Variants in RPL37 observed in about 807,000 individuals in gnomAD.
RPL37 encodes large ribosomal subunit protein eL37.
Under a neutral mutation model 14.8 loss-of-function variants are expected in RPL37, and 1 was observed. The observed-to-expected ratio is 0.07, with a 90% CI of 0.02 to 0.32. The LOEUF is 0.32. RPL37 is among the 10% of genes least tolerant of loss of function. RPL37 has a pLI of 1.00. For missense variants in RPL37, 100 were observed against 128.3 expected (o/e 0.78, Z 1.06); for synonymous variants, 53 against 45.8 (o/e 1.16, Z -0.63).
chr5:40,832,650 T>C (rs2112156425), intron 3 of RPL37, 77 bp from the exon 4 acceptor site: 1 of 1,045,158 alleles, frequency 9.6e-7, no homozygotes, highest in African/African-American at 1.6e-5. Flanking sequence ...TAAACAGATT[T>C]CAATGCGCTT....
chr5:40,835,001 G>C (rs1745734262), intron 1 of RPL37, 182 bp downstream of exon 1: 1 of 771,670 alleles, frequency 1.3e-6, no homozygotes. Context: ...ATTACGGCGG[G>C]ATAGGTCCCC....
rs1440301733 is a variant in RPL37 at position 40,829,119 on chromosome 5, A to T, written c.*3385T>A. ...TCTCATTTTCATGCTTAAATTATAC[A>T]GAAATGGGAAGCTTGGAAGTTAGCT... On this transcript the variant is annotated 3_prime_UTR_variant, in exon 4 of 4. Coordinates refer to ENST00000274242, the MANE Select transcript of RPL37 (RefSeq NM_000997.5). 1 of 152,210 alleles carries T rather than the reference A, an allele frequency of 6.6e-6. No homozygotes were observed. Among genetic ancestry groups the T allele is most frequent in the Non-Finnish European group, 1.5e-5 (1 of 68,038 alleles). The allele number at this position is 152,210 out of a possible 1,614,324, so 9.4% of individuals were successfully genotyped here.
At chr5:40,835,143 G>C (rs1222621361) in intron 1 of RPL37, 40 bp downstream of exon 1, 1 of 1,613,852 alleles carries the variant, frequency 6.2e-7, no homozygotes, top group Admixed American at 1.7e-5. Flanking sequence ...CAAAGGACGA[G>C]GATGGAACGC....
At chr5:40,833,079 A>G (rs929399877) in intron 3 of RPL37, among the ~76,000 whole-genome samples, 2 of 152,214 alleles carry the variant, frequency 1.3e-5, no homozygotes, top group Non-Finnish European at 2.9e-5. Context: ...CTTCAGTTCA[A>G]GCTCTTAACT....
chr5:40,834,338 G>C (rs1316134230), intron 2 of RPL37, 73 bp from the exon 3 acceptor site: 5 of 1,566,480 alleles, frequency 3.2e-6, no homozygotes, highest in African/African-American at 2.7e-5. Context: ...TAACACACGA[G>C]TTTTATGCCA....
rs1745531138 is a variant in RPL37, at chr5:40,826,962, G to A, written c.*5542C>T. On this transcript the variant is annotated 3_prime_UTR_variant, in exon 4 of 4. Transcript: ENST00000274242. ...CTGGCTAATTTTTTGTATTTTTAAT[G>A]GAGAAGAGGTTTCACCAGGTTGCCC... 1 of 152,150 alleles carries A rather than the reference G, an allele frequency of 6.6e-6. No homozygotes were observed. Among genetic ancestry groups the A allele is most frequent in the Non-Finnish European group, 1.5e-5 (1 of 68,076 alleles). 9.4% of individuals were successfully genotyped at this position (152,150 alleles called of 1,614,324 possible).
intron 2 of RPL37, 31 bp downstream of exon 2, chr5:40,834,440 T>A: frequency 6.2e-7 from 1 of 1,606,092 alleles, no homozygotes; most frequent in East Asian, 2.2e-5. Flanking sequence ...AAACAAAAGC[T>A]AACACAGTTG....
rs1399274717 is a variant in RPL37 at position 40,829,734 on chromosome 5, G to T, written c.*2770C>A. The T allele has an allele frequency of 1.3e-5, 2 of 151,492 alleles. No individual in the cohort carries two copies. Among genetic ancestry groups the T allele is most frequent in the African/African-American group, 4.9e-5 (2 of 41,162 alleles). 9.4% of individuals were successfully genotyped at this position (151,492 alleles called of 1,614,324 possible). On this transcript the variant is annotated 3_prime_UTR_variant, in exon 4 of 4. Coordinates refer to ENST00000274242, the MANE Select transcript of RPL37 (RefSeq NM_000997.5). ...TAATTGTGTCTCAATTAGAGGTGAG[G>T]CCTCTGCAGCTCACCGCAACCTCCG...
Position 40,827,433 on chromosome 5 carries a change from C to A in RPL37, c.*5071G>T, listed in dbSNP as rs369305444. 2 of 152,170 alleles carry A rather than the reference C, an allele frequency of 1.3e-5. No individual in the cohort carries two copies. The highest frequency in any genetic ancestry group is 2.9e-5 in the Non-Finnish European group (2 of 68,036). The allele number at this position is 152,170 out of a possible 1,614,324, so 9.4% of individuals were successfully genotyped here. A position where few individuals can be genotyped will look rare whatever the true frequency, so the allele number is the denominator to read the frequency against. ...CTTCTGACGATTACATAGGACTGCA[C>A]GTTTTACCTATTGAAATAAAACTGT... On this transcript the variant is annotated 3_prime_UTR_variant, in exon 4 of 4. Transcript: ENST00000274242.
Position 40,828,367 on chromosome 5 carries a change from G to A in RPL37, c.*4137C>T, listed in dbSNP as rs1169008275. 1 of 152,092 alleles carries A rather than the reference G, an allele frequency of 6.6e-6. No individual in the cohort carries two copies. Among genetic ancestry groups the A allele is most frequent in the East Asian group, 1.9e-4 (1 of 5,198 alleles). 9.4% of individuals were successfully genotyped at this position (152,092 alleles called of 1,614,324 possible). A position where few individuals can be genotyped will look rare whatever the true frequency, so the allele number is the denominator to read the frequency against. On this transcript the variant is annotated 3_prime_UTR_variant, in exon 4 of 4. Transcript: ENST00000274242. Reference sequence around the variant, plus strand: ...ACATGATTGAAATCTGTCAGGGCAGGGTCTTTGTTTTGTTTTCCACTTAAA... The same window carrying A: ...ACATGATTGAAATCTGTCAGGGCAGAGTCTTTGTTTTGTTTTCCACTTAAA...
chr5:40,833,283 T>C (rs1745682229), intron 3 of RPL37, among the ~76,000 whole-genome samples: 1 of 152,128 alleles, frequency 6.6e-6, no homozygotes, highest in Non-Finnish European at 1.5e-5. Context: ...AATATTCAAT[T>C]TTGCACTGGA....
chr5:40,833,903 G>A, intron 3 of RPL37: 1 of 379,726 alleles, frequency 2.6e-6, no homozygotes, highest in Non-Finnish European at 4.8e-6. Context: ...AAATTAGCTG[G>A]GCATGTGGCA....
At chr5:40,833,376 C>T (rs944729044) in intron 3 of RPL37, among the ~76,000 whole-genome samples, 1 of 152,148 alleles carries the variant, frequency 6.6e-6, no homozygotes, top group African/African-American at 2.4e-5. Context: ...GGAAGGAGCA[C>T]CAGCTTTATA....
In RPL37 at chr5:40,834,284, A is replaced by G. The variant is rs765281262; in HGVS notation, c.140-19T>C. The G allele has an allele frequency of 1.2e-6, 2 of 1,610,310 alleles. No homozygotes were observed. ...CAGTTATCTAAAACATAAGTTCAGA[A>G]AAGATTTCAAACGGTGTTCTCCCAC... On this transcript the variant is annotated intron_variant, in intron 2 of 3. Coordinates refer to ENST00000274242, the MANE Select transcript of RPL37 (RefSeq NM_000997.5).
In RPL37 at chr5:40,834,221, C is replaced by T; in HGVS notation, c.184G>A (p.Gly62Ser). 1 of 1,614,162 alleles carries T rather than the reference C, an allele frequency of 6.2e-7. No individual in the cohort carries two copies. Among genetic ancestry groups the T allele is most frequent in the Non-Finnish European group, 8.5e-7 (1 of 1,180,016 alleles). ...ACAATTTTTAGGTGCCTCATTCGAC[C>T]AGTTCCGGTGGTATTTCGTCTTTTA... is the stretch of plus-strand genomic sequence containing the variant. ...KAKRRNTTGT[G>S]RMRHLKIVYR... The change falls in exon 3 of 4, where the codon GGT becomes AGT. Residue 62 changes from glycine to serine, a missense_variant. This residue lies in a region of RPL37 where 74 missense variants were observed against 69.9 expected (regional missense o/e 1.06). Transcript: ENST00000274242.
Position 40,834,155 on chromosome 5 carries a change from A to T in RPL37, c.224+26T>A, listed in dbSNP as rs761732339. 1.1e-5 allele frequency: 17 copies of T among 1,545,496 alleles called. No homozygotes were observed. In the South Asian group the frequency reaches 1.8e-4, roughly 16 times the overall value. Reference sequence around the variant, plus strand: ...GGTTTCATTCAAGCCCACTGGACCAATTATGATCGAACATACAAACTGTAC... The same window carrying T: ...GGTTTCATTCAAGCCCACTGGACCATTTATGATCGAACATACAAACTGTAC... On this transcript the variant is annotated intron_variant, in intron 3 of 3. Transcript: ENST00000274242.
rs1193839445 is a variant in RPL37, at chr5:40,835,016, C to T, written c.3+167G>A. ...ATTACGGCGGGATAGGTCCCCCAGG[C>T]ACCAGTTAGCAGTCATTCTTCTGGC... On this transcript the variant is annotated intron_variant, in intron 1 of 3. Coordinates refer to ENST00000274242, the MANE Select transcript of RPL37 (RefSeq NM_000997.5). 8 of 853,808 alleles carry T rather than the reference C, an allele frequency of 9.4e-6. No homozygotes were observed. The East Asian group carries it at 1.3e-4, about 14-fold the overall frequency. 52.9% of individuals were successfully genotyped at this position (853,808 alleles called of 1,614,324 possible).
At chr5:40,834,749 AG>A (rs1203760307) in intron 1 of RPL37, 143 bp from the exon 2 acceptor site, 5 of 934,852 alleles carry the variant, frequency 5.3e-6, no homozygotes, top group Middle Eastern at 2.2e-4. Context: ...ACGAATGCCA[AG>A]TCAGAGACCA....
rs34309679 is a variant in RPL37, at chr5:40,830,500, A to AT, written c.*2003dup. On this transcript the variant is annotated 3_prime_UTR_variant, in exon 4 of 4. Coordinates refer to ENST00000274242, the MANE Select transcript of RPL37 (RefSeq NM_000997.5). ...GAAAATTTGAGTCATTAGTTCAAGGATTTTTTTTTTTTTTTGAGGTGGAGT... is the reference window on the plus strand; with the variant it reads ...GAAAATTTGAGTCATTAGTTCAAGGATTTTTTTTTTTTTTTTGAGGTGGAGT... 46,810 of 143,390 alleles carry AT rather than the reference A, an allele frequency of 0.33. 7,744 individuals carry two copies. The highest frequency in any genetic ancestry group is 0.52 in the East Asian group (2,491 of 4,814). The allele number at this position is 143,390 out of a possible 1,614,324, so 8.9% of individuals were successfully genotyped here. A position where few individuals can be genotyped will look rare whatever the true frequency, so the allele number is the denominator to read the frequency against.
Sources: gnomAD v4.1 joint callset for allele counts (sites outside exome capture counted in the v4.1 genomes callset) on GRCh38, gnomAD v4.1.1 for gene constraint, gnomAD v4.1.1 regional missense constraint, MANE v1.5 for transcripts, NCBI Gene and HGNC (gene_info 2026-07-23, HGNC 2026-07-21) for gene names.